The following ZNF573 variants were observed in gnomAD, a reference collection of about 807,000 sequenced individuals.
ZNF573 encodes zinc finger protein 573.
ZNF573 carries 41 observed loss-of-function variants against 57.4 expected under a neutral mutation model. The ratio of observed to expected loss-of-function variants is 0.71; its 90% CI spans 0.56 to 0.93. The LOEUF (loss-of-function observed/expected upper bound fraction) is 0.93. ZNF573 is among the 40% of genes least tolerant of loss of function. The pLI, the probability that ZNF573 is intolerant of heterozygous loss-of-function variation, is 0.00. For missense variants in ZNF573, 730 were observed against 794.8 expected (o/e 0.92, Z 0.98); for synonymous variants, 249 against 261.0 (o/e 0.95, Z 0.44).
chr19:37,773,804 A>G (rs2045681380), intron 1 of ZNF573, 53 bp from the exon 2 acceptor site: 1 of 1,104,206 alleles, frequency 9.1e-7, no homozygotes, highest in Non-Finnish European at 1.3e-6. Context: ...ATTTAATAAA[A>G]TCTTTCTGCT....
chr19:37,778,619 C>A (rs60731897), intron 1 of ZNF573: 22,770 of 151,808 alleles, frequency 0.15, 1,919 homozygotes, highest in Middle Eastern at 0.28. Context: ...TACTCTAAAA[C>A]CAGTAACCTT....
chr19:37,774,617 G>A (rs1384994693), intron 1 of ZNF573, among the ~76,000 whole-genome samples: 1 of 152,116 alleles, frequency 6.6e-6, no homozygotes, highest in African/African-American at 2.4e-5. Flanking sequence ...GCTAAGTAGG[G>A]AAACGTATTT....
intron 4 of ZNF573, among the ~76,000 whole-genome samples, chr19:37,757,123 T>C (rs529843746): frequency 9.9e-5 from 15 of 152,068 alleles, no homozygotes; most frequent in African/African-American, 2.4e-4. Context: ...TTAAGGCCAA[T>C]TGCTTACTCA....
chr19:37,778,161 C>T (rs2045728647), intron 1 of ZNF573, among the ~76,000 whole-genome samples: 1 of 151,252 alleles, frequency 6.6e-6, no homozygotes, highest in Non-Finnish European at 1.5e-5. Context: ...CTTAAAGTCT[C>T]ATTGGTAAAT....
chr19:37,771,788 A>G, intron 2 of ZNF573, 92 bp from the exon 3 acceptor site: 3 of 1,346,058 alleles, frequency 2.2e-6, no homozygotes, highest in Admixed American at 3.0e-5. Context: ...GGAGTGATAT[A>G]GTATATGTGG....
intron 4 of ZNF573, among the ~76,000 whole-genome samples, chr19:37,744,137 GACT>G (rs974379447): frequency 3.3e-5 from 5 of 151,234 alleles, no homozygotes; most frequent in African/African-American, 1.2e-4. Context: ...AAAAAAAAAA[GACT>G]ACTGATGTCA....
intron 4 of ZNF573, among the ~76,000 whole-genome samples, chr19:37,756,884 C>T (rs899563591): frequency 6.6e-6 from 1 of 151,618 alleles, no homozygotes; most frequent in African/African-American, 2.4e-5. Context: ...TATGTTCCAT[C>T]GAATGAGCCA....
chr19:37,742,032 T>C (rs539874103), intron 4 of ZNF573, among the ~76,000 whole-genome samples: 1 of 151,788 alleles, frequency 6.6e-6, no homozygotes, highest in African/African-American at 2.4e-5. Flanking sequence ...ACACCAACAA[T>C]AGACAAGCAG....
chr19:37,754,519 CAAAAAA>C (rs11316334), intron 4 of ZNF573, among the ~76,000 whole-genome samples: 1 of 85,570 alleles, frequency 1.2e-5, no homozygotes, highest in Non-Finnish European at 2.4e-5. Flanking sequence ...GACTCCACCT[CAAAAAA>C]AAAAAAAAAA....
intron 4 of ZNF573, among the ~76,000 whole-genome samples, chr19:37,765,618 G>A (rs2045594910): frequency 1.3e-5 from 2 of 152,188 alleles, no homozygotes; most frequent in African/African-American, 4.8e-5. Context: ...GCTGAAGCAG[G>A]AGAATCGCTT....
chr19:37,740,503 C>A (rs2045317501), intron 4 of ZNF573: 3 of 457,482 alleles, frequency 6.6e-6, no homozygotes, highest in South Asian at 3.5e-5. Context: ...AGGAGAGAAA[C>A]CTTGACATCT....
chr19:37,778,553 G>A (rs1458571598), intron 1 of ZNF573: 1 of 151,724 alleles, frequency 6.6e-6, no homozygotes, highest in African/African-American at 2.4e-5. Flanking sequence ...ACATCTACTG[G>A]AAAGAAAGCA....
chr19:37,750,692 A>C (rs2045425373), intron 4 of ZNF573, among the ~76,000 whole-genome samples: 2 of 151,994 alleles, frequency 1.3e-5, no homozygotes, highest in African/African-American at 4.8e-5. Flanking sequence ...TAAATTGTTA[A>C]AAAACATACC....
At chr19:37,763,954 T>C (rs1371807992) in intron 4 of ZNF573, among the ~76,000 whole-genome samples, 7 of 151,318 alleles carry the variant, frequency 4.6e-5, no homozygotes, top group African/African-American at 1.7e-4. Context: ...TCTCAGATAC[T>C]CTGGAGGCTG....
intron 1 of ZNF573, among the ~76,000 whole-genome samples, chr19:37,778,766 T>G (rs1419989968): frequency 6.6e-6 from 1 of 152,094 alleles, no homozygotes; most frequent in Non-Finnish European, 1.5e-5. Flanking sequence ...GGCCTTTCCT[T>G]GAAGCACGGA....
chr19:37,769,192 A>ACTCCTGAC lies in ZNF573; in HGVS notation c.295+805_295+812dup, dbSNP rs2045630520. The stretch of plus-strand genomic sequence containing the variant: ...TCAAGACCGGCCAGGCTGGTCTTGA[A>ACTCCTGAC]CTCCTGACCTCCTGAGCCACCCACC... On this transcript the variant is annotated intron_variant, in intron 4 of 4. Transcript: ENST00000536220. Among the ~76,000 whole-genome samples, 4 of 106,002 alleles carry ACTCCTGAC rather than the reference A, an allele frequency of 3.8e-5. No homozygotes were observed. In the South Asian group the frequency reaches 1.2e-3, roughly 32 times the overall value. The allele number at this position is 106,002 out of a possible 152,430, so 69.5% of individuals were successfully genotyped here.
intron 3 of ZNF573, chr19:37,770,303 C>G (rs2045643378): frequency 2.3e-6 from 1 of 434,692 alleles, no homozygotes; most frequent in East Asian, 3.9e-5. Context: ...TAACCTGTGA[C>G]CTTATAAAAT....
chr19:37,776,502 TAAATC>T lies in ZNF573; in HGVS notation c.-22-2756_-22-2752del, dbSNP rs1349556254. Among the ~76,000 whole-genome samples the T allele has an allele frequency of 2.0e-5, 3 of 152,300 alleles. No homozygotes were observed. In the East Asian group the frequency reaches 5.8e-4, roughly 29 times the overall value. On this transcript the variant is annotated intron_variant, in intron 1 of 4. Transcript: ENST00000536220. ...ATCAACTCAAGATGGATCAAAGACT[TAAATC>T]TAAGACCTGAAACCATAAAAATTCT... is the stretch of plus-strand genomic sequence containing the variant.
intron 3 of ZNF573, among the ~76,000 whole-genome samples, chr19:37,770,769 T>A (rs958670816): frequency 4.1e-4 from 57 of 139,828 alleles, no homozygotes; most frequent in African/African-American, 1.2e-3. Flanking sequence ...TCGAAAAAAA[T>A]AAATAAATAA....
Sources: gnomAD v4.1 joint callset for allele counts (sites outside exome capture counted in the v4.1 genomes callset) on GRCh38, gnomAD v4.1.1 for gene constraint, MANE v1.5 for transcripts, NCBI Gene and HGNC (gene_info 2026-07-23, HGNC 2026-07-21) for gene names.